Variants in CBLB observed in about 807,000 individuals in gnomAD.
CBLB encodes the protein E3 ubiquitin-protein ligase CBL-B.
Under a neutral mutation model 104.9 loss-of-function variants are expected in CBLB, and 31 were observed. That is an observed-to-expected ratio of 0.30 (90% CI 0.22 to 0.40). The LOEUF is 0.40. Among genes scored for constraint, CBLB ranks in the 10% least tolerant of loss-of-function variants. CBLB has a pLI of 1.00. For synonymous variants in CBLB, 440 were observed against 422.6 expected (o/e 1.04, Z -0.51); for missense variants, 1,062 against 1,214.6 (o/e 0.87, Z 1.87).
intron 17 of CBLB, chr3:105,674,012 G>A (rs1267299077): frequency 1.1e-4 from 17 of 152,124 alleles, no homozygotes; most frequent in Admixed American, 9.8e-4. Context: ...GAATCACCAG[G>A]AAGGCTTGTG....
At position 105,740,483 on chromosome 3, in the gene CBLB, C is replaced by T. The variant is rs543265835; in HGVS notation, c.983+11G>A. 5 of 1,613,946 alleles carry T rather than the reference C, an allele frequency of 3.1e-6. No homozygotes were observed. The highest frequency in any genetic ancestry group is 3.3e-4 in the Middle Eastern group (2 of 6,060). On this transcript the variant is annotated intron_variant, in intron 7 of 18. Coordinates refer to ENST00000394030, the MANE Select transcript of CBLB (RefSeq NM_170662.5). The stretch of plus-strand genomic sequence containing the variant: ...ATCATAAGCACTCCAACTTCCATTT[C>T]TCATACTTACAATCCTTCCCTGCTG...
chr3:105,712,792 T>C (rs975649041), intron 10 of CBLB, among the ~76,000 whole-genome samples: 1 of 152,226 alleles, frequency 6.6e-6, no homozygotes, highest in African/African-American at 2.4e-5. Flanking sequence ...TATAACTATA[T>C]AGATGTTAAT....
intron 7 of CBLB, among the ~76,000 whole-genome samples, chr3:105,739,821 C>A (rs920922745): frequency 2.0e-5 from 3 of 151,984 alleles, no homozygotes; most frequent in African/African-American, 7.2e-5. Context: ...AAAAGTGAAA[C>A]TGGCTGGGCA....
chr3:105,798,357 G>GT (rs1027865924), intron 3 of CBLB, among the ~76,000 whole-genome samples: 1 of 152,092 alleles, frequency 6.6e-6, no homozygotes, highest in Non-Finnish European at 1.5e-5. Context: ...AAAGGTTTCT[G>GT]TTTTTTGTTT....
intron 9 of CBLB, among the ~76,000 whole-genome samples, chr3:105,727,971 T>C (rs2073873416): frequency 6.6e-6 from 1 of 152,226 alleles, no homozygotes; most frequent in African/African-American, 2.4e-5. Flanking sequence ...TGAAGTCAGG[T>C]AGCGTGATGC....
chr3:105,674,119 G>A (rs2065358966), intron 17 of CBLB: 1 of 152,180 alleles, frequency 6.6e-6, no homozygotes, highest in Non-Finnish European at 1.5e-5. Context: ...TGAATCCGGA[G>A]AACACAATTT....
At chr3:105,851,683 A>G (rs1318532441) in intron 3 of CBLB, among the ~76,000 whole-genome samples, 1 of 152,244 alleles carries the variant, frequency 6.6e-6, no homozygotes, top group African/African-American at 2.4e-5. Flanking sequence ...GACTCTGAAA[A>G]TGAAGTCTAT....
Position 105,658,743 on chromosome 3 carries a change from G to T in CBLB, c.*227C>A. On this transcript the variant is annotated 3_prime_UTR_variant, in exon 19 of 19. Coordinates refer to ENST00000394030, the MANE Select transcript of CBLB (RefSeq NM_170662.5). Reference sequence around the variant, plus strand: ...AAACGTCTTTAAATTATTTTTGTCAGTTCAACCCTGATTTAAAAATATGGC... The same window carrying T: ...AAACGTCTTTAAATTATTTTTGTCATTTCAACCCTGATTTAAAAATATGGC... 1.7e-6 allele frequency: 1 copy of T among 575,828 alleles called. No individual in the cohort carries two copies. Among genetic ancestry groups the T allele is most frequent in the South Asian group, 2.3e-5 (1 of 43,106 alleles). The allele number at this position is 575,828 out of a possible 1,614,324, so 35.7% of individuals were successfully genotyped here. A position where few individuals can be genotyped will look rare whatever the true frequency, so the allele number is the denominator to read the frequency against.
At chr3:105,719,440 T>A (rs1216935626) in intron 10 of CBLB, among the ~76,000 whole-genome samples, 1 of 152,198 alleles carries the variant, frequency 6.6e-6, no homozygotes, top group East Asian at 1.9e-4. Flanking sequence ...CACAATGACA[T>A]TTCGGTAATG....
chr3:105,784,411 T>C (rs1231408229), intron 3 of CBLB, among the ~76,000 whole-genome samples: 1 of 152,212 alleles, frequency 6.6e-6, no homozygotes, highest in Non-Finnish European at 1.5e-5. Flanking sequence ...ATTAGAAATG[T>C]TGGAAATTCA....
intron 9 of CBLB, among the ~76,000 whole-genome samples, chr3:105,726,140 C>T (rs1040346754): frequency 6.6e-6 from 1 of 152,026 alleles, no homozygotes; most frequent in Non-Finnish European, 1.5e-5. Context: ...TGAGCAACCG[C>T]GCCTGGCCAA....
Position 105,678,513 on chromosome 3 carries a change from C to T in CBLB, c.2487G>A (p.Arg829=). The change falls in exon 17 of 19, where the codon AGG becomes AGA. Residue 829 remains arginine, a synonymous_variant. Coordinates refer to ENST00000394030, the MANE Select transcript of CBLB (RefSeq NM_170662.5). ...GTTTTGAATGTTCAATGAGACTATG[C>T]CTTGCAGGAGGTGGGGGAGGTGGGA... ...PSLPPPPPPA[R]HSLIEHSKPP... is the part of the protein sequence containing the mutation. 2 of 1,613,876 alleles carry T rather than the reference C, an allele frequency of 1.2e-6. No homozygotes were observed. The highest frequency in any genetic ancestry group is 1.7e-6 in the Non-Finnish European group (2 of 1,179,842).
intron 4 of CBLB, among the ~76,000 whole-genome samples, chr3:105,754,525 G>A (rs868323307): frequency 2.5e-4 from 4 of 16,016 alleles, no homozygotes; most frequent in African/African-American, 3.7e-4. Flanking sequence ...GAGAGAGACA[G>A]AGAGAGAGAG....
intron 17 of CBLB, among the ~76,000 whole-genome samples, chr3:105,678,158 T>C (rs1171077713): frequency 6.6e-6 from 1 of 152,196 alleles, no homozygotes; most frequent in African/African-American, 2.4e-5. Context: ...AGGGTTGCAT[T>C]TGTAACATAA....
At chr3:105,853,275 T>C in intron 3 of CBLB, 139 bp downstream of exon 3, 2 of 820,612 alleles carry the variant, frequency 2.4e-6, no homozygotes, top group East Asian at 4.9e-5. Flanking sequence ...AGTATCCCCA[T>C]CGTTAAGTAC....
chr3:105,857,202 C>T (rs564088199), intron 2 of CBLB, among the ~76,000 whole-genome samples: 2 of 152,178 alleles, frequency 1.3e-5, no homozygotes, highest in East Asian at 3.9e-4. Flanking sequence ...TTGACAGAAA[C>T]GTTTATGTTT....
chr3:105,796,782 G>T (rs750543063), intron 3 of CBLB, among the ~76,000 whole-genome samples: 25 of 152,064 alleles, frequency 1.6e-4, no homozygotes, highest in African/African-American at 5.8e-4. Context: ...ATGAACAAAC[G>T]CTTTTCCAAA....
At chr3:105,714,552 G>C (rs989092808) in intron 10 of CBLB, among the ~76,000 whole-genome samples, 2 of 152,120 alleles carry the variant, frequency 1.3e-5, no homozygotes, top group Non-Finnish European at 2.9e-5. Context: ...GTTCAAAATA[G>C]AGTTCATACT....
intron 6 of CBLB, among the ~76,000 whole-genome samples, chr3:105,745,389 T>C (rs1357155798): frequency 1.3e-5 from 2 of 152,240 alleles, no homozygotes; most frequent in African/African-American, 4.8e-5. Flanking sequence ...TCTGAGGCTA[T>C]AATAAAACAC....
Sources: gnomAD v4.1 joint callset for allele counts (sites outside exome capture counted in the v4.1 genomes callset) on GRCh38, gnomAD v4.1.1 for gene constraint, MANE v1.5 for transcripts, NCBI Gene and HGNC (gene_info 2026-07-23, HGNC 2026-07-21) for gene names.